Variants in MYH9 observed in about 807,000 individuals in gnomAD.
MYH9 encodes the protein myosin heavy chain 9.
A neutral mutation model predicts 241.9 loss-of-function variants in MYH9; 29 were observed. That is an observed-to-expected ratio of 0.12 (90% CI 0.09 to 0.16). The LOEUF (loss-of-function observed/expected upper bound fraction) is 0.16, where lower values mean the gene tolerates loss of function less well. Ranked by LOEUF, MYH9 falls within the 10% of genes least tolerant of loss-of-function variation. The pLI is 1.00. For synonymous variants in MYH9, 1,047 were observed against 1,062.6 expected, an observed-to-expected ratio of 0.99 and a Z score of 0.29; for missense variants, 1,803 against 2,595.5, an observed-to-expected ratio of 0.69 and a Z score of 6.63.
Position 36,295,660 on chromosome 22 carries a change from T to C in MYH9, c.3330A>G (p.Glu1110=), listed in dbSNP as rs2016776968. ...CTTCCTGGAGTTCAGAGATCTGAGA[T>C]TCCAGCTCCCGGATCTTCTTGAGGG... ...NMALKKIREL[E]SQISELQEDL... is the part of the protein sequence containing the mutation. Residue 1110 remains glutamate (E), a synonymous_variant, in exon 26 of 41, where the codon GAA becomes GAG. Transcript: ENST00000216181. This position sits in a 1 kb window ranked among gnomAD's most constrained non-coding sequence, Gnocchi z 4.1. The C allele has an allele frequency of 6.2e-7, 1 of 1,613,924 alleles. No individual in the cohort carries two copies. Among genetic ancestry groups the C allele is most frequent in the East Asian group, 2.2e-5 (1 of 44,882 alleles).
intron 40 of MYH9, 52 bp from the exon 41 acceptor site, chr22:36,282,837 C>T (rs778824692): frequency 1.0e-4 from 154 of 1,488,142 alleles, no homozygotes; most frequent in Non-Finnish European, 1.3e-4. Flanking sequence ...AGGCCAGGGG[C>T]GGCCACAGCA....
chr22:36,313,284 C>G (rs2017095464), intron 13 of MYH9, among the ~76,000 whole-genome samples: 1 of 150,950 alleles, frequency 6.6e-6, no homozygotes, highest in African/African-American at 2.4e-5. Flanking sequence ...ACTCCGCCTC[C>G]ACTAAAAATA....
At chr22:36,324,016 A>T (rs1207957160) in intron 5 of MYH9, among the ~76,000 whole-genome samples, 1 of 152,136 alleles carries the variant, frequency 6.6e-6, no homozygotes, top group African/African-American at 2.4e-5. Flanking sequence ...TCCCCCACCC[A>T]CTACGCCGTT....
chr22:36,357,236 A>G (rs1434532813), intron 1 of MYH9, among the ~76,000 whole-genome samples: 1 of 152,198 alleles, frequency 6.6e-6, no homozygotes, highest in Non-Finnish European at 1.5e-5. Context: ...CATGGAGGAT[A>G]TGACATTTAA....
rs201970116 is a variant in MYH9 at position 36,293,313 on chromosome 22, C to T, written c.4095+16G>A. 1.9e-6 allele frequency: 3 copies of T among 1,613,408 alleles called. No homozygotes were observed. Among genetic ancestry groups the T allele is most frequent in the Non-Finnish European group, 1.7e-6 (2 of 1,179,656 alleles). ...CCCAGCCTGCAGAGTCCGGCCGGTC[C>T]CCCAGGCCTCCAAACCTGGGCATGG... is the stretch of plus-strand genomic sequence containing the variant. On this transcript the variant is annotated intron_variant, in intron 30 of 40. Coordinates refer to ENST00000216181, the MANE Select transcript of MYH9 (RefSeq NM_002473.6). This position sits in a 1 kb window ranked among gnomAD's most constrained non-coding sequence, Gnocchi z 5.1.
Position 36,295,745 on chromosome 22 carries a change from TA to T in MYH9, c.3273-29del. 6.3e-7 allele frequency: 1 copy of T among 1,598,514 alleles called. No individual in the cohort carries two copies. ...GCCAAAGCGACCAGCAACATCAGTA[TA>T]AGGAGAGTTTCACCTCCAAGGAGCA... On this transcript the variant is annotated intron_variant, in intron 25 of 40. Transcript: ENST00000216181. This position sits in a 1 kb window ranked among gnomAD's most constrained non-coding sequence, Gnocchi z 4.1.
chr22:36,318,438 A>G lies in MYH9; in HGVS notation c.1109-113T>C, dbSNP rs543494431. On this transcript the variant is annotated intron_variant, in intron 10 of 40. Transcript: ENST00000216181. ...CCCTCTGCTTGACTTGGGAGCAGAG[A>G]GGAAGAAAGCCACGGGGTGAATGAG... 17 of 893,706 alleles carry G rather than the reference A, an allele frequency of 1.9e-5. No individual in the cohort carries two copies. In the African/African-American group the frequency reaches 2.5e-4, roughly 13 times the overall value. 55.4% of individuals were successfully genotyped at this position (893,706 alleles called of 1,614,324 possible).
In MYH9 at chr22:36,316,676, G is replaced by A. The variant is rs749876095; in HGVS notation, c.1228-7C>T. On this transcript the variant is annotated splice_region_variant and splice_polypyrimidine_tract_variant and intron_variant, in intron 11 of 40. Transcript: ENST00000216181. ...CCTCGATGGCAAAGTCAGCCTGCGG[G>A]GCACACCCGGGGAGCGTGGTGTCAG... is the stretch of plus-strand genomic sequence containing the variant. The A allele has an allele frequency of 6.2e-7, 1 of 1,613,610 alleles. No homozygotes were observed. The highest frequency in any genetic ancestry group is 8.5e-7 in the Non-Finnish European group (1 of 1,180,028).
At chr22:36,359,177 C>G (rs1042103447) in intron 1 of MYH9, among the ~76,000 whole-genome samples, 2 of 152,226 alleles carry the variant, frequency 1.3e-5, no homozygotes, top group African/African-American at 4.8e-5. Flanking sequence ...TGTAACCAAA[C>G]AGCTAAATAC....
chr22:36,330,285 G>A lies in MYH9; in HGVS notation c.491-2797C>T, dbSNP rs577591865. Among the ~76,000 whole-genome samples, 1 of 152,340 alleles carries A rather than the reference G, an allele frequency of 6.6e-6. No individual in the cohort carries two copies. Among genetic ancestry groups the A allele is most frequent in the South Asian group, 2.1e-4 (1 of 4,828 alleles). ...ATGCTTTCTGAAAGGCAAACTGCTG[G>A]GAGGCCTCCTCATTGCATCTCTTAC... is the stretch of plus-strand genomic sequence containing the variant. On this transcript the variant is annotated intron_variant, in intron 3 of 40. Transcript: ENST00000216181. This position sits in a 1 kb window ranked among gnomAD's most constrained non-coding sequence, Gnocchi z 4.5.
intron 1 of MYH9, among the ~76,000 whole-genome samples, chr22:36,378,275 T>TA (rs1034176927): frequency 7.9e-5 from 12 of 151,674 alleles, no homozygotes; most frequent in Non-Finnish European, 1.5e-4. Context: ...CGCTGTCTCA[T>TA]AAAAAAAGAA....
chr22:36,292,022 C>T lies in MYH9; in HGVS notation c.4308G>A (p.Ala1436=), dbSNP rs369577944. 150 of 1,614,186 alleles carry T rather than the reference C, an allele frequency of 9.3e-5. No individual in the cohort carries two copies. Among genetic ancestry groups the T allele is most frequent in the Middle Eastern group, 6.6e-4 (4 of 6,062 alleles). ...LVDLDHQRQS[A]CNLEKKQKKF... is the part of the protein sequence containing the mutation. ...TCTTCTGCTTCTTCTCCAGGTTGCA[C>T]GCGCTCTGGCGCTGGTGGTCCAGGT... Residue 1436 remains alanine, a synonymous_variant, in exon 31 of 41, where the codon GCG becomes GCA. Transcript: ENST00000216181.
At chr22:36,294,796 C>CT in intron 27 of MYH9, 136 bp downstream of exon 27, 1 of 1,209,276 alleles carries the variant, frequency 8.3e-7, no homozygotes, top group Non-Finnish European at 1.2e-6. Context: ...CACAAAGCCC[C>CT]TTAGAAGGGG....
intron 1 of MYH9, among the ~76,000 whole-genome samples, chr22:36,368,364 C>T (rs2018041914): frequency 6.6e-6 from 1 of 152,190 alleles, no homozygotes; most frequent in Non-Finnish European, 1.5e-5. Context: ...CAGGCACTAG[C>T]TGCCGGTGTC....
chr22:36,375,129 C>G (rs1476678835), intron 1 of MYH9, among the ~76,000 whole-genome samples: 1 of 152,166 alleles, frequency 6.6e-6, no homozygotes, highest in African/African-American at 2.4e-5. Context: ...TAGTAGGAGT[C>G]ACTGCTGAAT....
intron 1 of MYH9, among the ~76,000 whole-genome samples, chr22:36,382,423 C>A (rs534391106): frequency 6.6e-6 from 1 of 151,426 alleles, no homozygotes; most frequent in African/African-American, 2.4e-5. Context: ...TGCAGTGAGC[C>A]GAGATCACAC....
chr22:36,359,932 C>G (rs2017911174), intron 1 of MYH9, among the ~76,000 whole-genome samples: 1 of 152,142 alleles, frequency 6.6e-6, no homozygotes. Flanking sequence ...GCTTTGGGGC[C>G]AGACAGACCT....
intron 1 of MYH9, among the ~76,000 whole-genome samples, chr22:36,380,041 C>G (rs1371535270): frequency 6.6e-6 from 1 of 152,242 alleles, no homozygotes; most frequent in Non-Finnish European, 1.5e-5. Flanking sequence ...GGTACAGATA[C>G]AGGCCGCCCG....
At chr22:36,374,779 C>G (rs530386349) in intron 1 of MYH9, among the ~76,000 whole-genome samples, 5 of 152,158 alleles carry the variant, frequency 3.3e-5, no homozygotes, top group Non-Finnish European at 5.9e-5. Flanking sequence ...GAGGCTGGGT[C>G]GTGGCCTAAG....
Sources: allele counts gnomAD v4.1 joint callset (sites outside exome capture counted in the v4.1 genomes callset), GRCh38; gene constraint gnomAD v4.1.1; non-coding constraint Gnocchi (gnomAD v3.1); transcripts MANE v1.5; gene names NCBI Gene and HGNC (gene_info 2026-07-23, HGNC 2026-07-21).